Variants in SMAP1 observed in about 807,000 individuals in gnomAD.
SMAP1 encodes small ArfGAP 1.
A neutral mutation model predicts 58.5 loss-of-function variants in SMAP1; 24 were observed. The observed-to-expected ratio is 0.41, with a 90% CI of 0.30 to 0.58. SMAP1 has a LOEUF of 0.58. Among genes scored for constraint, SMAP1 ranks in the 20% least tolerant of loss-of-function variants. The pLI is 0.29. For missense variants in SMAP1, 563 were observed against 566.3 expected, an observed-to-expected ratio of 0.99 and a Z score of 0.06; for synonymous variants, 216 against 196.6, an observed-to-expected ratio of 1.10 and a Z score of -0.82.
intron 7 of SMAP1, among the ~76,000 whole-genome samples, chr6:70,843,256 A>C (rs1451244144): frequency 6.6e-6 from 1 of 151,856 alleles, no homozygotes; most frequent in Non-Finnish European, 1.5e-5. Context: ...TAGAATTGGG[A>C]CTCAAACCTA....
At chr6:70,824,573 A>G (rs1344903906) in intron 6 of SMAP1, among the ~76,000 whole-genome samples, 2 of 152,180 alleles carry the variant, frequency 1.3e-5, no homozygotes, top group African/African-American at 4.8e-5. Context: ...TTTATTATTT[A>G]TATTATGCAG....
chr6:70,846,373 G>A (rs1770989847), intron 7 of SMAP1, among the ~76,000 whole-genome samples: 1 of 152,182 alleles, frequency 6.6e-6, no homozygotes, highest in African/African-American at 2.4e-5. Flanking sequence ...ACTCTTCCTG[G>A]TGACGAAGCA....
In SMAP1 at chr6:70,819,708, TTATAA is replaced by T. The variant is rs1203804898; in HGVS notation, c.577-17230_577-17226del. On this transcript the variant is annotated intron_variant, in intron 6 of 10. Transcript: ENST00000370455. ...AATGCTAAAAGGATACAGTTTTTAATTATAATAGAATATGTTGAAGTCGCATAAGA... is the reference window on the plus strand; with the variant it reads ...AATGCTAAAAGGATACAGTTTTTAATTAGAATATGTTGAAGTCGCATAAGA... Among the ~76,000 whole-genome samples, 2 of 152,180 alleles carry T rather than the reference TTATAA, an allele frequency of 1.3e-5. 1 individual carries two copies. Among genetic ancestry groups the T allele is most frequent in the Admixed American group, 1.3e-4 (2 of 15,274 alleles).
chr6:70,695,283 C>G (rs1767354537), intron 1 of SMAP1, among the ~76,000 whole-genome samples: 1 of 152,064 alleles, frequency 6.6e-6, no homozygotes, highest in African/African-American at 2.4e-5. Context: ...TTTCTCTTGT[C>G]TGATTGCTCT....
intron 6 of SMAP1, among the ~76,000 whole-genome samples, chr6:70,802,189 A>G (rs552106973): frequency 1.3e-5 from 2 of 152,164 alleles, no homozygotes; most frequent in Admixed American, 6.5e-5. Context: ...CTTTTATTTC[A>G]TTGAGCAGTG....
chr6:70,818,345 G>T (rs1676636911), intron 6 of SMAP1, among the ~76,000 whole-genome samples: 1 of 152,006 alleles, frequency 6.6e-6, no homozygotes, highest in Admixed American at 6.6e-5. Flanking sequence ...GGCAGAGGTT[G>T]CAGTGAGCCA....
chr6:70,791,091 C>G (rs1768330356), intron 4 of SMAP1, among the ~76,000 whole-genome samples: 1 of 152,196 alleles, frequency 6.6e-6, no homozygotes, highest in East Asian at 1.9e-4. Flanking sequence ...TGGTGTTTGT[C>G]TGCTGATCTT....
intron 6 of SMAP1, among the ~76,000 whole-genome samples, chr6:70,826,203 G>C (rs1770107616): frequency 6.6e-6 from 1 of 152,100 alleles, no homozygotes; most frequent in African/African-American, 2.4e-5. Context: ...TTCAGTATTT[G>C]GGATGAATAA....
chr6:70,787,760 A>G (rs1184386647), intron 4 of SMAP1, among the ~76,000 whole-genome samples: 1 of 151,772 alleles, frequency 6.6e-6, no homozygotes, highest in Non-Finnish European at 1.5e-5. Flanking sequence ...ATACCGTCTC[A>G]CACCAGTTAG....
intron 1 of SMAP1, among the ~76,000 whole-genome samples, chr6:70,731,235 T>G (rs1439664003): frequency 1.3e-5 from 2 of 152,264 alleles, no homozygotes; most frequent in Non-Finnish European, 2.9e-5. Flanking sequence ...CCATTTTTAC[T>G]TTATTAATTT....
At chr6:70,670,088 G>A (rs1766202793) in intron 1 of SMAP1, among the ~76,000 whole-genome samples, 2 of 151,950 alleles carry the variant, frequency 1.3e-5, no homozygotes, top group African/African-American at 4.8e-5. Context: ...GTATTGCCAC[G>A]GAAATCAGTA....
chr6:70,774,579 A>G (rs181209903), intron 4 of SMAP1, among the ~76,000 whole-genome samples: 87 of 152,312 alleles, frequency 5.7e-4, no homozygotes, highest in African/African-American at 1.9e-3. Flanking sequence ...AATCTTGTTA[A>G]AAAAGTTTTT....
intron 1 of SMAP1, among the ~76,000 whole-genome samples, chr6:70,682,564 T>C (rs938630649): frequency 6.6e-6 from 1 of 152,192 alleles, no homozygotes; most frequent in Non-Finnish European, 1.5e-5. Flanking sequence ...CCCTCTCCAC[T>C]GATTGGTATG....
At chr6:70,799,820 T>C (rs1182210678) in intron 6 of SMAP1, among the ~76,000 whole-genome samples, 1 of 152,194 alleles carries the variant, frequency 6.6e-6, no homozygotes, top group African/African-American at 2.4e-5. Flanking sequence ...AGTATGTGCA[T>C]CTTGAAGTTT....
At chr6:70,825,302 C>G (rs1339112267) in intron 6 of SMAP1, among the ~76,000 whole-genome samples, 1 of 152,174 alleles carries the variant, frequency 6.6e-6, no homozygotes, top group Non-Finnish European at 1.5e-5. Context: ...TTCAGAGATA[C>G]TAAGTGACTT....
chr6:70,790,039 G>A (rs1056500951), intron 4 of SMAP1, among the ~76,000 whole-genome samples: 6 of 152,272 alleles, frequency 3.9e-5, no homozygotes, highest in East Asian at 1.9e-4. Context: ...CTCAATGCCC[G>A]TATTATCCTT....
Position 70,852,551 on chromosome 6 carries a change from G to C in SMAP1, c.676G>C (p.Val226Leu). 1 of 1,595,008 alleles carries C rather than the reference G, an allele frequency of 6.3e-7. No individual in the cohort carries two copies. Among genetic ancestry groups the C allele is most frequent in the South Asian group, 1.2e-5 (1 of 86,562 alleles). The change falls in exon 8 of 11, where the codon GTG (valine) becomes CTG (leucine). Residue 226 changes from valine to leucine, a missense_variant. Physicochemically the swap from Val to Leu is conservative, Grantham distance 32 (BLOSUM62 1). This residue lies in a region of SMAP1 where 494 missense variants were observed against 473.8 expected (regional missense o/e 1.04). Coordinates refer to ENST00000370455, the MANE Select transcript of SMAP1 (RefSeq NM_001044305.3). ...TATATTCTTTTCAGATGGCCCTGCT[G>C]TGGCACCAGTGACCAACGGGAACAC... ...VDLLGLDGPA[V>L]APVTNGNTTV...
chr6:70,834,920 C>G (rs915750608), intron 6 of SMAP1, among the ~76,000 whole-genome samples: 1 of 152,076 alleles, frequency 6.6e-6, no homozygotes, highest in Non-Finnish European at 1.5e-5. Context: ...AAATTATATA[C>G]TGTTACAGGT....
intron 7 of SMAP1, among the ~76,000 whole-genome samples, chr6:70,849,854 GCATGGTTTGAAT>G (rs993225387): frequency 2.0e-5 from 3 of 152,006 alleles, no homozygotes; most frequent in African/African-American, 7.2e-5. Context: ...CTTCATTTTT[GCATGGTTTGAAT>G]CTTTTACAAG....
Sources: allele counts gnomAD v4.1 joint callset (sites outside exome capture counted in the v4.1 genomes callset), GRCh38; gene constraint gnomAD v4.1.1; regional missense constraint gnomAD v4.1.1; transcripts MANE v1.5; gene names NCBI Gene and HGNC (gene_info 2026-07-23, HGNC 2026-07-21).